PGAP1: variants seen among roughly 807,000 people sequenced by gnomAD.
PGAP1 encodes post-GPI attachment to proteins inositol deacylase 1, also known as GPI inositol-deacylase.
PGAP1 carries 76 observed loss-of-function variants against 127.0 expected under a neutral mutation model. The ratio of observed to expected loss-of-function variants is 0.60; its 90% CI spans 0.50 to 0.72. PGAP1 has a LOEUF of 0.72. Among genes scored for constraint, PGAP1 ranks in the 30% least tolerant of loss-of-function variants. The probability of loss-of-function intolerance (pLI) is 0.00; values close to 1 mark genes in which losing one functional copy is unlikely to be tolerated. For missense variants in PGAP1, 982 were observed against 1,071.3 expected (o/e 0.92, Z 1.16); for synonymous variants, 362 against 366.5 (o/e 0.99, Z 0.14).
intron 3 of PGAP1, 86 bp from the exon 4 acceptor site, chr2:196,913,139 T>C (rs1702889047): frequency 2.0e-5 from 25 of 1,239,746 alleles, no homozygotes; most frequent in Non-Finnish European, 2.8e-5. Flanking sequence ...TGACCAATTT[T>C]ATAGGAAAAA....
At chr2:196,862,595 C>G (rs1277497147) in intron 20 of PGAP1, among the ~76,000 whole-genome samples, 1 of 152,184 alleles carries the variant, frequency 6.6e-6, no homozygotes, top group East Asian at 1.9e-4. Flanking sequence ...TGTGGGGCAT[C>G]ACGGAACCTA....
intron 8 of PGAP1, among the ~76,000 whole-genome samples, chr2:196,892,813 G>C (rs547065911): frequency 3.9e-5 from 6 of 151,972 alleles, no homozygotes; most frequent in Admixed American, 6.6e-5. Flanking sequence ...GATAATTGAG[G>C]AACTAAAAGG....
chr2:196,889,972 C>T (rs900269121), intron 10 of PGAP1, among the ~76,000 whole-genome samples: 2 of 151,746 alleles, frequency 1.3e-5, no homozygotes, highest in Admixed American at 1.3e-4. Context: ...CTCACTTCGT[C>T]ACCCAGGCTG....
Position 196,833,874 on chromosome 2 carries a change from T to C in PGAP1, c.*7360A>G, listed in dbSNP as rs1700162376. ...AATAAGCACAGTAAAAATGCAAGTC[T>C]ACATTTTTTTAAAAACTGAAGCCCG... is the stretch of plus-strand genomic sequence containing the variant. On this transcript the variant is annotated 3_prime_UTR_variant, in exon 27 of 27. Coordinates refer to ENST00000354764, the MANE Select transcript of PGAP1 (RefSeq NM_024989.4). The C allele has an allele frequency of 6.6e-6, 1 of 151,990 alleles. No homozygotes were observed. Among genetic ancestry groups the C allele is most frequent in the Non-Finnish European group, 1.5e-5 (1 of 67,916 alleles). 9.4% of individuals were successfully genotyped at this position (151,990 alleles called of 1,614,324 possible). A position where few individuals can be genotyped will look rare whatever the true frequency, so the allele number is the denominator to read the frequency against.
At position 196,840,319 on chromosome 2, in the gene PGAP1, G is replaced by C. The variant is rs914251647; in HGVS notation, c.*915C>G. 2.6e-5 allele frequency: 4 copies of C among 151,920 alleles called. No individual in the cohort carries two copies. The highest frequency in any genetic ancestry group is 9.7e-5 in the African/African-American group (4 of 41,368). 9.4% of individuals were successfully genotyped at this position (151,920 alleles called of 1,614,324 possible). ...GTTGTTGTTGTTTTTTCCCACAGCA[G>C]AAAAAATGGTACAAACCTAGAGTTT... On this transcript the variant is annotated 3_prime_UTR_variant, in exon 27 of 27. Coordinates refer to ENST00000354764, the MANE Select transcript of PGAP1 (RefSeq NM_024989.4).
rs1703010309 is a variant in PGAP1, at chr2:196,916,409, A to G, written c.477+9T>C. On this transcript the variant is annotated intron_variant, in intron 3 of 26. Transcript: ENST00000354764. ...TGCACCACTATTGATTTGCATACTT[A>G]TCTCTCACCTTATAGAGTTTGAGAA... The G allele has an allele frequency of 3.8e-6, 6 of 1,589,172 alleles. No individual in the cohort carries two copies. The highest frequency in any genetic ancestry group is 1.4e-5 in the African/African-American group (1 of 73,756).
rs149040571 is a variant in PGAP1, at chr2:196,919,105, C to T, written c.301+892G>A. ...TCAAATGTCATCTCCTCACAATGGC[C>T]TTTCCTGACCACCTCATCTAAACTA... is the stretch of plus-strand genomic sequence containing the variant. On this transcript the variant is annotated intron_variant, in intron 2 of 26. Coordinates refer to ENST00000354764, the MANE Select transcript of PGAP1 (RefSeq NM_024989.4). Among the ~76,000 whole-genome samples, 933 of 152,226 alleles carry T rather than the reference C, an allele frequency of 6.1e-3. 7 individuals carry two copies. The highest frequency in any genetic ancestry group is 0.022 in the African/African-American group (895 of 41,518).
At chr2:196,896,888 A>C (rs1361591173) in intron 7 of PGAP1, among the ~76,000 whole-genome samples, 1 of 151,674 alleles carries the variant, frequency 6.6e-6, no homozygotes, top group Non-Finnish European at 1.5e-5. Context: ...AGTGGAAAGA[A>C]CTGGGGGAAG....
chr2:196,845,834 G>A (rs746063126), intron 23 of PGAP1, 48 bp downstream of exon 23: 1 of 1,505,254 alleles, frequency 6.6e-7, no homozygotes, highest in Non-Finnish European at 9.0e-7. Context: ...CTACATGTAT[G>A]TGCCTAATAC....
rs145740474 is a variant in PGAP1 at position 196,867,589 on chromosome 2, C to T, written c.1768-2509G>A. The stretch of plus-strand genomic sequence containing the variant: ...TGTATACCTATGGAACAAACCTGCA[C>T]GTTCTGCACATGTACCCCAGAACTT... On this transcript the variant is annotated intron_variant, in intron 19 of 26. Transcript: ENST00000354764. Among the ~76,000 whole-genome samples, 527 of 152,184 alleles carry T rather than the reference C, an allele frequency of 3.5e-3. 10 individuals are homozygous for T. Among genetic ancestry groups the T allele is most frequent in the Admixed American group, 0.032 (494 of 15,280 alleles).
intron 12 of PGAP1, among the ~76,000 whole-genome samples, chr2:196,885,011 T>C (rs146960185): frequency 1.3e-4 from 20 of 152,274 alleles, no homozygotes; most frequent in Middle Eastern, 3.4e-3. Context: ...TGCTTGACCA[T>C]GTATCATATC....
At chr2:196,924,501 A>G (rs1703308515) in intron 1 of PGAP1, among the ~76,000 whole-genome samples, 1 of 152,220 alleles carries the variant, frequency 6.6e-6, no homozygotes, top group Non-Finnish European at 1.5e-5. Flanking sequence ...TATTTGTAAG[A>G]TAACATGACC....
intron 4 of PGAP1, among the ~76,000 whole-genome samples, chr2:196,904,781 G>A (rs1242268911): frequency 6.6e-6 from 1 of 152,002 alleles, no homozygotes; most frequent in Non-Finnish European, 1.5e-5. Flanking sequence ...CAGTGCAGAA[G>A]TAAAGATACA....
intron 13 of PGAP1, among the ~76,000 whole-genome samples, chr2:196,878,812 T>C (rs1701641424): frequency 6.6e-6 from 1 of 152,192 alleles, no homozygotes; most frequent in Non-Finnish European, 1.5e-5. Context: ...TTATTCACTG[T>C]TTTTCAAATA....
chr2:196,899,034 G>T (rs1702384415), intron 5 of PGAP1, among the ~76,000 whole-genome samples: 1 of 152,070 alleles, frequency 6.6e-6, no homozygotes, highest in South Asian at 2.1e-4. Flanking sequence ...TCCTAACAAT[G>T]GCACAGCACC....
chr2:196,854,169 G>C (rs1373872014), intron 20 of PGAP1, among the ~76,000 whole-genome samples: 1 of 151,840 alleles, frequency 6.6e-6, no homozygotes, highest in East Asian at 1.9e-4. Flanking sequence ...AGTGCTCAGA[G>C]AACAGGCATG....
intron 14 of PGAP1, among the ~76,000 whole-genome samples, chr2:196,874,294 C>T (rs889861627): frequency 4.6e-5 from 7 of 151,692 alleles, no homozygotes; most frequent in Non-Finnish European, 7.4e-5. Context: ...TGGATTATAG[C>T]CCAATGAATA....
At chr2:196,885,314 T>C in intron 12 of PGAP1, 110 bp downstream of exon 12, 1 of 688,434 alleles carries the variant, frequency 1.5e-6, no homozygotes, top group Non-Finnish European at 2.4e-6. Context: ...TTAGTAAATC[T>C]CAAGTTTATT....
chr2:196,854,999 G>T (rs1366644201), intron 20 of PGAP1, among the ~76,000 whole-genome samples: 1 of 150,244 alleles, frequency 6.7e-6, no homozygotes, highest in African/African-American at 2.5e-5. Context: ...TCCTTGCCCA[G>T]GCTGGTCTCA....
Sources: gnomAD v4.1 joint callset for allele counts (sites outside exome capture counted in the v4.1 genomes callset) on GRCh38, gnomAD v4.1.1 for gene constraint, MANE v1.5 for transcripts, NCBI Gene and HGNC (gene_info 2026-07-23, HGNC 2026-07-21) for gene names.